Variants in DENND1A observed in about 807,000 individuals in gnomAD.
DENND1A encodes DENN domain-containing protein 1A.
A neutral mutation model predicts 113.7 loss-of-function variants in DENND1A; 51 were observed. The ratio of observed to expected loss-of-function variants is 0.45; its 90% CI spans 0.36 to 0.57. DENND1A has a LOEUF of 0.57. Ranked by LOEUF, DENND1A falls within the 20% of genes least tolerant of loss-of-function variation. The pLI is 0.00. For missense variants in DENND1A, 1,258 were observed against 1,395.9 expected (o/e 0.90, Z 1.57); for synonymous variants, 565 against 570.8 (o/e 0.99, Z 0.14).
chr9:123,418,684 T>C (rs938563192), intron 19 of DENND1A, among the ~76,000 whole-genome samples: 2 of 152,202 alleles, frequency 1.3e-5, no homozygotes, highest in Non-Finnish European at 2.9e-5. Flanking sequence ...CACTTTCTGC[T>C]GCCGGTGCTT....
At chr9:123,465,308 ATTTTTTTTTTT>A (rs60428558) in intron 13 of DENND1A, among the ~76,000 whole-genome samples, 10 of 80,118 alleles carry the variant, frequency 1.2e-4, no homozygotes, top group African/African-American at 4.7e-4. Context: ...TTTGTCTTTG[ATTTTTTTTTTT>A]TTTTTTTTTT....
intron 8 of DENND1A, 91 bp downstream of exon 8, chr9:123,666,935 C>G (rs2063520715): frequency 8.1e-7 from 1 of 1,230,390 alleles, no homozygotes; most frequent in Non-Finnish European, 1.1e-6. Flanking sequence ...TATAATGATA[C>G]TTTTAAATCA....
At chr9:123,450,879 C>T (rs554823726) in intron 17 of DENND1A, 130 bp from the exon 18 acceptor site, 74 of 657,460 alleles carry the variant, frequency 1.1e-4, no homozygotes, top group South Asian at 5.5e-4. Context: ...ATCATCAAGT[C>T]GAAAACATAA....
At chr9:123,581,981 A>C (rs2058921438) in intron 12 of DENND1A, among the ~76,000 whole-genome samples, 1 of 152,226 alleles carries the variant, frequency 6.6e-6, no homozygotes, top group East Asian at 1.9e-4. Context: ...TCCAAGTAGC[A>C]ACAGAAGACA....
rs36033303 is a variant in DENND1A at position 123,674,342 on chromosome 9, T to TCTCA, written c.372+2377_372+2378insTGAG. Among the ~76,000 whole-genome samples the TCTCA allele has an allele frequency of 7.3e-3, 964 of 132,340 alleles. 6 individuals are homozygous for TCTCA. Among genetic ancestry groups the TCTCA allele is most frequent in the Admixed American group, 0.017 (224 of 13,050 alleles). 86.8% of individuals were successfully genotyped at this position (132,340 alleles called of 152,430 possible). A position where few individuals can be genotyped will look rare whatever the true frequency, so the allele number is the denominator to read the frequency against. On this transcript the variant is annotated intron_variant, in intron 6 of 23. Coordinates refer to ENST00000394215, the MANE Select transcript of DENND1A (RefSeq NM_001352964.2). ...CTCTGTCTCTGTCTCTGTCTCTCTC[T>TCTCA]CACACACACACACACACACACACAC... is the stretch of plus-strand genomic sequence containing the variant.
chr9:123,555,617 G>A (rs549914729), intron 13 of DENND1A, among the ~76,000 whole-genome samples: 56 of 152,314 alleles, frequency 3.7e-4, no homozygotes, highest in Non-Finnish European at 6.9e-4. Flanking sequence ...TCCTCAGGAA[G>A]GACAGGCAGG....
chr9:123,539,899 A>G (rs938598294), intron 13 of DENND1A, among the ~76,000 whole-genome samples: 6 of 152,028 alleles, frequency 3.9e-5, no homozygotes, highest in Non-Finnish European at 8.8e-5. Flanking sequence ...AAAAAAAAAA[A>G]AATTCATTAC....
Position 123,727,950 on chromosome 9 carries a change from C to T in DENND1A, c.302+29753G>A, listed in dbSNP as rs886807359. ...TGAAACCCCATCTCTACTAAAAATACAAAATATTAGCCAGGCATTGTGGCA... is the reference window on the plus strand; with the variant it reads ...TGAAACCCCATCTCTACTAAAAATATAAAATATTAGCCAGGCATTGTGGCA... On this transcript the variant is annotated intron_variant, in intron 5 of 23. Transcript: ENST00000394215. Among the ~76,000 whole-genome samples, 13 of 151,808 alleles carry T rather than the reference C, an allele frequency of 8.6e-5. No individual in the cohort carries two copies. In the South Asian group the frequency reaches 2.5e-3, roughly 29 times the overall value.
intron 13 of DENND1A, among the ~76,000 whole-genome samples, chr9:123,482,115 TCAGA>T (rs1054666923): frequency 5.3e-5 from 8 of 151,850 alleles, no homozygotes; most frequent in African/African-American, 1.7e-4. Flanking sequence ...TTATTCTTTT[TCAGA>T]CAGAGTCTCG....
intron 19 of DENND1A, chr9:123,437,839 G>C (rs541534243): frequency 1.7e-4 from 26 of 152,128 alleles, no homozygotes; most frequent in African/African-American, 6.0e-4. Flanking sequence ...GAGTCTGTTG[G>C]TTTCCAAAAA....
chr9:123,709,533 CT>C (rs999856077), intron 5 of DENND1A, among the ~76,000 whole-genome samples: 12 of 152,326 alleles, frequency 7.9e-5, no homozygotes, highest in Middle Eastern at 3.4e-3. Flanking sequence ...CCCTCCACCC[CT>C]GATCTCTTAC....
intron 13 of DENND1A, among the ~76,000 whole-genome samples, chr9:123,529,303 C>G (rs566722531): frequency 1.8e-4 from 27 of 152,232 alleles, no homozygotes; most frequent in African/African-American, 6.3e-4. Flanking sequence ...AAGAAACAAT[C>G]TGTGTGAGCT....
At chr9:123,696,804 A>G (rs2065549794) in intron 5 of DENND1A, among the ~76,000 whole-genome samples, 1 of 152,230 alleles carries the variant, frequency 6.6e-6, no homozygotes, top group Admixed American at 6.5e-5. Context: ...GGGCAGGGAT[A>G]GAGCGTGTTC....
chr9:123,858,714 C>T (rs1214430468), intron 2 of DENND1A, among the ~76,000 whole-genome samples: 1 of 152,066 alleles, frequency 6.6e-6, no homozygotes, highest in Admixed American at 6.6e-5. Flanking sequence ...GCCAAAGACA[C>T]AAGCTGAGAA....
At chr9:123,390,162 T>C (rs1441857060) in intron 21 of DENND1A, among the ~76,000 whole-genome samples, 1 of 152,238 alleles carries the variant, frequency 6.6e-6, no homozygotes, top group Non-Finnish European at 1.5e-5. Context: ...TGTCACTCTG[T>C]TTCTGAGTCA....
At chr9:123,683,166 A>C (rs988718386) in intron 5 of DENND1A, among the ~76,000 whole-genome samples, 3 of 152,224 alleles carry the variant, frequency 2.0e-5, no homozygotes, top group African/African-American at 7.2e-5. Context: ...GGATTTTATG[A>C]AGCCCATGTT....
At chr9:123,855,961 C>T (rs529275718) in intron 2 of DENND1A, among the ~76,000 whole-genome samples, 7 of 152,118 alleles carry the variant, frequency 4.6e-5, no homozygotes, top group Admixed American at 1.3e-4. Context: ...CGCTTGAACC[C>T]GGGAGGCGGA....
At chr9:123,901,341 A>G (rs1388765125) in intron 1 of DENND1A, among the ~76,000 whole-genome samples, 1 of 152,178 alleles carries the variant, frequency 6.6e-6, no homozygotes, top group Admixed American at 6.5e-5. Flanking sequence ...TTAGGATGTG[A>G]GATGTCCCCA....
chr9:123,717,592 C>G (rs1378132616), intron 5 of DENND1A, among the ~76,000 whole-genome samples: 1 of 152,196 alleles, frequency 6.6e-6, no homozygotes, highest in Non-Finnish European at 1.5e-5. Context: ...TTATACTACA[C>G]AAGTCTCAAA....
Sources: allele counts gnomAD v4.1 joint callset (sites outside exome capture counted in the v4.1 genomes callset), GRCh38; gene constraint gnomAD v4.1.1; transcripts MANE v1.5; gene names NCBI Gene and HGNC (gene_info 2026-07-23, HGNC 2026-07-21).